Variants in ABHD12 observed in about 807,000 individuals in gnomAD.
ABHD12 encodes the protein abhydrolase domain containing 12, lysophospholipase.
In ABHD12, 43 loss-of-function variants were observed where a neutral mutation model predicts 58.3. The observed-to-expected ratio is 0.74, with a 90% confidence interval of 0.58 to 0.95. The LOEUF is 0.95. ABHD12 is among the 40% of genes least tolerant of loss of function. The pLI is 0.00. For synonymous variants in ABHD12, 219 were observed against 211.2 expected (o/e 1.04, Z -0.32); for missense variants, 539 against 537.2 (o/e 1.00, Z -0.03).
In ABHD12 at chr20:25,316,025, C is replaced by T. The variant is rs140021971; in HGVS notation, c.573+1023G>A. 1.2e-3 allele frequency among the ~76,000 whole-genome samples: 179 copies of T among 152,322 alleles called. 1 individual carries two copies. Among genetic ancestry groups the T allele is most frequent in the African/African-American group, 4.1e-3 (171 of 41,578 alleles). On this transcript the variant is annotated intron_variant, in intron 5 of 12. Transcript: ENST00000339157. Reference sequence around the variant, plus strand: ...TCTGCACGCCCTGCCCTAGGCACCCCCTGCATGTGGGGAGACCTGCAGGCG... The same window carrying T: ...TCTGCACGCCCTGCCCTAGGCACCCTCTGCATGTGGGGAGACCTGCAGGCG...
intron 9 of ABHD12, 62 bp downstream of exon 9, chr20:25,307,904 T>G (rs2088774823): frequency 2.6e-6 from 2 of 783,268 alleles, no homozygotes; most frequent in East Asian, 5.4e-5. Flanking sequence ...ATCCTGTAAT[T>G]AGTTATTTCT....
In ABHD12 at chr20:25,308,257, G is replaced by A. The variant is rs555194635; in HGVS notation, c.787+200C>T. On this transcript the variant is annotated intron_variant, in intron 8 of 12. Transcript: ENST00000339157. ...TCCTAAAAAGCAGACTTGCTGATGC[G>A]GCTCTGGGGCCAGACCTGTGTGTGT... Among the ~76,000 whole-genome samples, 6 of 152,360 alleles carry A rather than the reference G, an allele frequency of 3.9e-5. No homozygotes were observed. The East Asian group carries it at 1.2e-3, about 29-fold the overall frequency.
chr20:25,348,926 C>CA (rs1013116515), intron 1 of ABHD12, among the ~76,000 whole-genome samples: 10 of 150,602 alleles, frequency 6.6e-5, no homozygotes, highest in African/African-American at 2.2e-4. Flanking sequence ...ACTAAAAATA[C>CA]AAAAAAAATT....
In ABHD12 at chr20:25,300,667, C is replaced by T. The variant is rs143430397; in HGVS notation, c.*178G>A. ...TTCCACACAGCCATGCTCAGGCCTC[C>T]GGGCACTGCAGGCCTGCAGGGGCCT... On this transcript the variant is annotated 3_prime_UTR_variant, in exon 13 of 13. Coordinates refer to ENST00000339157, the MANE Select transcript of ABHD12 (RefSeq NM_001042472.3). The T allele has an allele frequency of 1.2e-4, 176 of 1,513,018 alleles. No individual in the cohort carries two copies. The highest frequency in any genetic ancestry group is 8.1e-4 in the African/African-American group (59 of 72,554). 93.7% of individuals were successfully genotyped at this position (1,513,018 alleles called of 1,614,324 possible).
intron 3 of ABHD12, among the ~76,000 whole-genome samples, chr20:25,321,491 A>C (rs1255818042): frequency 2.6e-5 from 4 of 152,116 alleles, no homozygotes; most frequent in Non-Finnish European, 5.9e-5. Context: ...GCCCAATGTC[A>C]TTGTGACTGC....
At chr20:25,318,157 A>G (rs1276658067) in intron 4 of ABHD12, among the ~76,000 whole-genome samples, 3 of 152,320 alleles carry the variant, frequency 2.0e-5, no homozygotes, top group East Asian at 3.9e-4. Flanking sequence ...TCTACTAAAA[A>G]TACAAAAATT....
chr20:25,335,380 A>C lies in ABHD12; in HGVS notation c.316+3847T>G, dbSNP rs1159278228. Among the ~76,000 whole-genome samples the C allele has an allele frequency of 2.0e-5, 3 of 149,702 alleles. No individual in the cohort carries two copies. In the East Asian group the frequency reaches 5.9e-4, roughly 29 times the overall value. ...GGTGGGACTGTAAACTAGTTCAACC[A>C]TTGTGGAAGTCAGTGTGGGGATTCC... is the stretch of plus-strand genomic sequence containing the variant. On this transcript the variant is annotated intron_variant, in intron 2 of 12. Coordinates refer to ENST00000339157, the MANE Select transcript of ABHD12 (RefSeq NM_001042472.3).
intron 1 of ABHD12, among the ~76,000 whole-genome samples, chr20:25,378,803 C>A (rs572857779): frequency 6.6e-6 from 1 of 151,560 alleles, no homozygotes; most frequent in African/African-American, 2.4e-5. Context: ...CCCTCACTGA[C>A]AGCCGTGTCC....
intron 1 of ABHD12, among the ~76,000 whole-genome samples, chr20:25,342,324 T>C (rs916238943): frequency 5.9e-5 from 9 of 152,200 alleles, no homozygotes; most frequent in Non-Finnish European, 1.0e-4. Context: ...ACCTGAAAGA[T>C]GGCCAGGTCA....
chr20:25,295,813 C>T (rs2088533304), downstream of ABHD12: 1 of 908,764 alleles, frequency 1.1e-6, no homozygotes, highest in East Asian at 2.6e-5. Flanking sequence ...CATCAGTCGG[C>T]TGTGCCTGCC....
At chr20:25,369,749 C>T (rs1288327301) in intron 1 of ABHD12, among the ~76,000 whole-genome samples, 1 of 152,102 alleles carries the variant, frequency 6.6e-6, no homozygotes, top group Non-Finnish European at 1.5e-5. Context: ...TAACTTCACA[C>T]TGGAAAAACT....
Position 25,335,989 on chromosome 20 carries a change from T to A in ABHD12, c.316+3238A>T, listed in dbSNP as rs528321645. On this transcript the variant is annotated intron_variant, in intron 2 of 12. Transcript: ENST00000339157. The stretch of plus-strand genomic sequence containing the variant: ...AAATAAAAAAAAAACAAAAAACAAA[T>A]GCATGATGATAGATCTGACCTATTT... 1.1e-4 allele frequency among the ~76,000 whole-genome samples: 16 copies of A among 151,106 alleles called. No homozygotes were observed. The South Asian group carries it at 3.3e-3, about 32-fold the overall frequency.
chr20:25,384,128 T>G (rs1298097802), intron 1 of ABHD12, among the ~76,000 whole-genome samples: 2 of 127,826 alleles, frequency 1.6e-5, no homozygotes, highest in Non-Finnish European at 1.6e-5. Context: ...GGTGACAGAG[T>G]GAGACTCTGT....
chr20:25,321,256 G>A (rs1457268280), intron 3 of ABHD12, among the ~76,000 whole-genome samples: 2 of 152,204 alleles, frequency 1.3e-5, no homozygotes, highest in South Asian at 2.1e-4. Context: ...GTAGCCAGCC[G>A]CCCCAAACCT....
chr20:25,294,793 A>G (rs1160655752), exon 13 of ABHD12: 2 of 708,726 alleles, frequency 2.8e-6, no homozygotes, highest in East Asian at 2.6e-5. Context: ...AGCACATGGT[A>G]TGGTTTATCT....
At chr20:25,386,108 T>A (rs1030056262) in intron 1 of ABHD12, among the ~76,000 whole-genome samples, 111 of 150,754 alleles carry the variant, frequency 7.4e-4, no homozygotes, top group East Asian at 3.5e-3. Flanking sequence ...CTCAAAAAAA[T>A]AATAATAATA....
chr20:25,302,184 A>T (rs746328599), intron 12 of ABHD12, 35 bp downstream of exon 12: 1 of 1,612,134 alleles, frequency 6.2e-7, no homozygotes, highest in Non-Finnish European at 8.5e-7. Flanking sequence ...AGTGCTGCCC[A>T]GACGAAGCCC....
chr20:25,324,228 GC>G (rs2089134415), intron 2 of ABHD12, among the ~76,000 whole-genome samples: 1 of 152,158 alleles, frequency 6.6e-6, no homozygotes, highest in African/African-American at 2.4e-5. Context: ...GGGTGCGGGT[GC>G]GGTAGCCCCA....
At chr20:25,305,561 CTG>C (rs1452967403) in intron 10 of ABHD12, among the ~76,000 whole-genome samples, 3 of 152,018 alleles carry the variant, frequency 2.0e-5, no homozygotes, top group Non-Finnish European at 4.4e-5. Flanking sequence ...CAGGGTTTCA[CTG>C]TGTTAGCCAG....
Sources: allele counts gnomAD v4.1 joint callset (sites outside exome capture counted in the v4.1 genomes callset), GRCh38; gene constraint gnomAD v4.1.1; transcripts MANE v1.5; gene names NCBI Gene and HGNC (gene_info 2026-07-23, HGNC 2026-07-21).